The following ROBO1 variants were observed in gnomAD, a reference collection of about 807,000 sequenced individuals.
ROBO1 encodes the protein roundabout guidance receptor 1.
ROBO1 carries 149 observed loss-of-function variants against 195.9 expected under a neutral mutation model. The observed-to-expected ratio is 0.76, with a 90% CI of 0.67 to 0.87. ROBO1 has a LOEUF of 0.87. Among genes scored for constraint, ROBO1 ranks in the 40% least tolerant of loss-of-function variants. ROBO1 has a pLI of 0.00. For missense variants in ROBO1, 1,933 were observed against 2,068.3 expected (o/e 0.93, Z 1.27); for synonymous variants, 816 against 733.2 (o/e 1.11, Z -1.82).
chr3:79,568,976 TAA>T (rs1167009802), intron 2 of ROBO1, among the ~76,000 whole-genome samples: 1 of 152,184 alleles, frequency 6.6e-6, no homozygotes, highest in Non-Finnish European at 1.5e-5. Context: ...TATAATACAC[TAA>T]GAGGAAATAA....
chr3:79,000,870 C>G (rs1043719372), intron 3 of ROBO1, among the ~76,000 whole-genome samples: 5 of 152,214 alleles, frequency 3.3e-5, no homozygotes, highest in African/African-American at 1.2e-4. Context: ...TGGAACTAAC[C>G]CAAATGCCCA....
intron 2 of ROBO1, among the ~76,000 whole-genome samples, chr3:79,291,122 A>G (rs1018615692): frequency 6.6e-6 from 1 of 152,198 alleles, no homozygotes; most frequent in African/African-American, 2.4e-5. Context: ...ATTGATAACT[A>G]TTTTAATCCA....
At chr3:79,458,119 T>C (rs1015045441) in intron 2 of ROBO1, among the ~76,000 whole-genome samples, 7 of 151,572 alleles carry the variant, frequency 4.6e-5, no homozygotes, top group African/African-American at 1.7e-4. Context: ...TCATTTTAAA[T>C]AGCAAGAAAA....
intron 2 of ROBO1, among the ~76,000 whole-genome samples, chr3:79,343,900 G>GT (rs752322651): frequency 1.3e-5 from 2 of 152,034 alleles, no homozygotes; most frequent in Non-Finnish European, 2.9e-5. Context: ...AGACCTAGTT[G>GT]TTTGTTTCCC....
intron 1 of ROBO1, among the ~76,000 whole-genome samples, chr3:79,649,045 T>C (rs1945920625): frequency 6.6e-6 from 1 of 152,106 alleles, no homozygotes; most frequent in Non-Finnish European, 1.5e-5. Flanking sequence ...ATCAACTCTA[T>C]TTGACCCAAA....
chr3:78,605,936 C>T (rs757641819), intron 29 of ROBO1, among the ~76,000 whole-genome samples: 41 of 152,274 alleles, frequency 2.7e-4, no homozygotes, highest in African/African-American at 9.1e-4. Flanking sequence ...GCTGATCCTT[C>T]CTGTTCTTCT....
At chr3:79,592,495 T>G (rs1944035083) in intron 1 of ROBO1, among the ~76,000 whole-genome samples, 2 of 152,012 alleles carry the variant, frequency 1.3e-5, no homozygotes, top group African/African-American at 4.8e-5. Context: ...TTATTAGCTA[T>G]TGTACACTTA....
chr3:79,683,920 C>A (rs138054738), intron 1 of ROBO1, among the ~76,000 whole-genome samples: 1 of 151,954 alleles, frequency 6.6e-6, no homozygotes, highest in Non-Finnish European at 1.5e-5. Context: ...TTCCCGTACA[C>A]GTTTTTGAGT....
intron 6 of ROBO1, 96 bp from the exon 7 acceptor site, chr3:78,717,509 A>C: frequency 8.5e-7 from 1 of 1,173,048 alleles, no homozygotes; most frequent in Non-Finnish European, 1.2e-6. Context: ...TTAATTTAAA[A>C]TATCAGCGAG....
intron 3 of ROBO1, among the ~76,000 whole-genome samples, chr3:78,955,178 A>C (rs555428595): frequency 1.3e-5 from 2 of 148,218 alleles, no homozygotes; most frequent in East Asian, 4.0e-4. Flanking sequence ...TTATATAGGT[A>C]AACTGTGTAT....
intron 2 of ROBO1, among the ~76,000 whole-genome samples, chr3:79,546,470 A>G (rs1942268737): frequency 6.6e-6 from 1 of 152,214 alleles, no homozygotes; most frequent in Non-Finnish European, 1.5e-5. Flanking sequence ...AAAAAAATTC[A>G]TTGACTTTTT....
chr3:78,727,035 G>T (rs1462703947), intron 5 of ROBO1, among the ~76,000 whole-genome samples: 4 of 152,008 alleles, frequency 2.6e-5, no homozygotes, highest in Non-Finnish European at 5.9e-5. Flanking sequence ...AGACAGTTCA[G>T]ATTAAAACAT....
chr3:78,620,743 T>C (rs759313756), intron 26 of ROBO1, among the ~76,000 whole-genome samples: 4 of 152,082 alleles, frequency 2.6e-5, no homozygotes, highest in Non-Finnish European at 4.4e-5. Context: ...GGGGAGAATA[T>C]TGAAATTCAG....
chr3:79,736,296 A>ATGAAGGT (rs1703386273), intron 1 of ROBO1, among the ~76,000 whole-genome samples: 1 of 152,204 alleles, frequency 6.6e-6, no homozygotes, highest in South Asian at 2.1e-4. Flanking sequence ...ACATGAACAA[A>ATGAAGGT]TGAAGGTTGA....
At chr3:79,217,203 C>A (rs1576828597) in intron 2 of ROBO1, among the ~76,000 whole-genome samples, 1 of 152,118 alleles carries the variant, frequency 6.6e-6, no homozygotes. Flanking sequence ...CACAGTGACA[C>A]GTGCTATGAA....
chr3:78,783,915 T>A (rs2083755275), intron 4 of ROBO1, among the ~76,000 whole-genome samples: 1 of 152,158 alleles, frequency 6.6e-6, no homozygotes, highest in South Asian at 2.1e-4. Context: ...TCTCAATGTT[T>A]AAATGTAGTG....
chr3:78,756,450 T>A (rs190369898), intron 4 of ROBO1, among the ~76,000 whole-genome samples: 245 of 152,310 alleles, frequency 1.6e-3, no homozygotes, highest in African/African-American at 5.6e-3. Flanking sequence ...CACTTTCACA[T>A]ATGTAAAGCA....
intron 9 of ROBO1, 35 bp downstream of exon 9, chr3:78,688,613 T>C (rs1258078825): frequency 1.3e-6 from 2 of 1,534,844 alleles, no homozygotes; most frequent in Non-Finnish European, 1.7e-6. Flanking sequence ...CCATCTTTGC[T>C]GATTTAAAAA....
intron 2 of ROBO1, among the ~76,000 whole-genome samples, chr3:79,529,222 C>T (rs1323373360): frequency 6.6e-6 from 1 of 152,276 alleles, no homozygotes; most frequent in Non-Finnish European, 1.5e-5. Flanking sequence ...GTGGCTCATG[C>T]CTGTAATCCC....
Sources: allele counts gnomAD v4.1 joint callset (sites outside exome capture counted in the v4.1 genomes callset), GRCh38; gene constraint gnomAD v4.1.1; transcripts MANE v1.5; gene names NCBI Gene and HGNC (gene_info 2026-07-23, HGNC 2026-07-21).